The following NXNL2 variants were observed in gnomAD, a reference collection of about 807,000 sequenced individuals.
NXNL2 encodes nucleoredoxin like 2.
NXNL2 carries 7 observed loss-of-function variants against 11.1 expected under a neutral mutation model. The ratio of observed to expected loss-of-function variants is 0.63; its 90% confidence interval spans 0.36 to 1.18. NXNL2 has a LOEUF of 1.18. NXNL2 is among the 50% of genes most tolerant of loss of function. The pLI, the probability that NXNL2 is intolerant of heterozygous loss-of-function variation, is 0.02. For missense variants in NXNL2, 233 were observed against 217.7 expected (o/e 1.07, Z -0.44); for synonymous variants, 109 against 101.8 (o/e 1.07, Z -0.42).
chr9:88,545,783 T>C (rs1829837304), downstream of NXNL2, among the ~76,000 whole-genome samples: 1 of 152,160 alleles, frequency 6.6e-6, no homozygotes, highest in African/African-American at 2.4e-5. Context: ...TCTTTTTTTT[T>C]GAGATGGAGT....
intron 1 of NXNL2, among the ~76,000 whole-genome samples, chr9:88,581,222 A>C (rs1042559890): frequency 1.3e-5 from 2 of 152,140 alleles, no homozygotes; most frequent in Non-Finnish European, 2.9e-5. Flanking sequence ...CCTTGGAAGG[A>C]GCTTCTGTCT....
chr9:88,582,840 G>A (rs1830424062), intron 1 of NXNL2, among the ~76,000 whole-genome samples: 1 of 152,086 alleles, frequency 6.6e-6, no homozygotes, highest in African/African-American at 2.4e-5. Flanking sequence ...GCTAATTTTT[G>A]TATTTTTAGT....
At chr9:88,582,029 A>G (rs1351033848) in intron 1 of NXNL2, among the ~76,000 whole-genome samples, 1 of 152,160 alleles carries the variant, frequency 6.6e-6, no homozygotes, top group Non-Finnish European at 1.5e-5. Context: ...TCCCCACCCC[A>G]GAGCTCATTC....
chr9:88,554,877 G>A (rs1302765066), intron 1 of NXNL2, among the ~76,000 whole-genome samples: 1 of 152,158 alleles, frequency 6.6e-6, no homozygotes, highest in African/African-American at 2.4e-5. Flanking sequence ...ACTGAGTCAC[G>A]TAGCATGTTG....
At chr9:88,560,828 A>T (rs1037493298) in intron 1 of NXNL2, among the ~76,000 whole-genome samples, 5 of 152,160 alleles carry the variant, frequency 3.3e-5, no homozygotes, top group Admixed American at 2.6e-4. Flanking sequence ...TTCCAGCATC[A>T]CAGTGTAGAG....
rs568733560 is a variant in NXNL2 at position 88,566,627 on chromosome 9, G to T, written c.303-4460G>T. Among the ~76,000 whole-genome samples, 457 of 152,190 alleles carry T rather than the reference G, an allele frequency of 3.0e-3. 1 individual carries two copies. Among genetic ancestry groups the T allele is most frequent in the Middle Eastern group, 0.01 (3 of 294 alleles). ...CGATCCCTTATGTTTTCTTTTAGGA[G>T]TTTTACAGTTTCAGGTCTTATATTT... On this transcript the variant is annotated intron_variant, in intron 1 of 2. Transcript: ENST00000375855.
chr9:88,564,607 G>C (rs998331889), intron 1 of NXNL2, among the ~76,000 whole-genome samples: 1 of 151,898 alleles, frequency 6.6e-6, no homozygotes, highest in Non-Finnish European at 1.5e-5. Context: ...GTAGAGACGG[G>C]GTTTCTCCAT....
chr9:88,555,237 G>A (rs1460158476), intron 1 of NXNL2, among the ~76,000 whole-genome samples: 2 of 152,198 alleles, frequency 1.3e-5, no homozygotes, highest in Non-Finnish European at 2.9e-5. Flanking sequence ...AACCCTCAGG[G>A]CTGCTGGTTG....
chr9:88,537,634 G>A (rs888088921), intron 1 of NXNL2, among the ~76,000 whole-genome samples: 3 of 152,184 alleles, frequency 2.0e-5, no homozygotes, highest in Admixed American at 1.3e-4. Flanking sequence ...CTTATCCTAC[G>A]TCTACAGGAC....
At position 88,555,752 on chromosome 9, in the gene NXNL2, G is replaced by A. The variant is rs1414105570; in HGVS notation, c.303-15335G>A. Among the ~76,000 whole-genome samples the A allele has an allele frequency of 3.3e-5, 5 of 152,140 alleles. No individual in the cohort carries two copies. The South Asian group carries it at 1.0e-3, about 32-fold the overall frequency. ...TTGCTTGGTTCTGGGCTTGGCACTGGGCTCACTCCTCCCACTTAGCCTGGC... is the reference window on the plus strand; with the variant it reads ...TTGCTTGGTTCTGGGCTTGGCACTGAGCTCACTCCTCCCACTTAGCCTGGC... On this transcript the variant is annotated intron_variant, in intron 1 of 2. Coordinates refer to the NXNL2 transcript ENST00000375855.
downstream of NXNL2, among the ~76,000 whole-genome samples, chr9:88,548,701 A>AAG (rs1829886255): frequency 6.6e-6 from 1 of 150,542 alleles, no homozygotes; most frequent in Admixed American, 6.6e-5. Flanking sequence ...AAAAAAAAAA[A>AAG]GGAATTATCT....
rs542822889 is a variant in NXNL2, at chr9:88,536,740, A to T, written c.302+1004A>T. ...GTAATTAATGGGAAGAAATCTAATT[A>T]TTCCCCCAAACATGATTTTTGGTGA... is the stretch of plus-strand genomic sequence containing the variant. On this transcript the variant is annotated intron_variant, in intron 1 of 1. Transcript: ENST00000375854. Among the ~76,000 whole-genome samples, 123 of 152,360 alleles carry T rather than the reference A, an allele frequency of 8.1e-4. 1 individual carries two copies. The highest frequency in any genetic ancestry group is 1.5e-3 in the Non-Finnish European group (105 of 68,038).
intron 1 of NXNL2, among the ~76,000 whole-genome samples, chr9:88,551,645 C>A (rs1587846771): frequency 6.6e-6 from 1 of 152,298 alleles, no homozygotes; most frequent in African/African-American, 2.4e-5. Context: ...GTGGCTTCCC[C>A]TTCCCCTTCC....
At chr9:88,570,856 T>C (rs12343890) in intron 1 of NXNL2, among the ~76,000 whole-genome samples, 47,381 of 150,964 alleles carry the variant, frequency 0.31, 11,568 homozygotes, top group East Asian at 0.87. Context: ...GATTCTTCTC[T>C]GTCAGCCTCC....
At chr9:88,547,162 T>G (rs1222520280), downstream of NXNL2, among the ~76,000 whole-genome samples, 1 of 152,222 alleles carries the variant, frequency 6.6e-6, no homozygotes, top group African/African-American at 2.4e-5. Flanking sequence ...GAAGCATGGC[T>G]CTGCAAAGGT....
intron 1 of NXNL2, among the ~76,000 whole-genome samples, chr9:88,560,179 G>A (rs1256238802): frequency 1.3e-5 from 2 of 151,984 alleles, no homozygotes; most frequent in African/African-American, 2.4e-5. Context: ...AAAAAGGCCT[G>A]GTCACTTTTG....
chr9:88,569,451 A>G (rs1157376396), intron 1 of NXNL2, among the ~76,000 whole-genome samples: 1 of 152,182 alleles, frequency 6.6e-6, no homozygotes, highest in African/African-American at 2.4e-5. Context: ...TCCCAAGCAC[A>G]TGGAGGTGCC....
At chr9:88,556,066 C>T (rs973382282) in intron 1 of NXNL2, among the ~76,000 whole-genome samples, 1 of 152,198 alleles carries the variant, frequency 6.6e-6, no homozygotes, top group Non-Finnish European at 1.5e-5. Context: ...GACACAGCAA[C>T]CCTGGAGCCC....
At chr9:88,552,473 G>GTTTTTTTTTTTTTTTT (rs59133640) in intron 1 of NXNL2, among the ~76,000 whole-genome samples, 3 of 131,566 alleles carry the variant, frequency 2.3e-5, no homozygotes, top group African/African-American at 8.5e-5. Context: ...AAACATGCAT[G>GTTTTTTTTTTTTTTTT]TTTTTTTTTT....
Sources: gnomAD v4.1 joint callset for allele counts (sites outside exome capture counted in the v4.1 genomes callset) on GRCh38, gnomAD v4.1.1 for gene constraint, MANE v1.5 for transcripts, NCBI Gene and HGNC (gene_info 2026-07-23, HGNC 2026-07-21) for gene names.